Variants in COPB1 observed in about 807,000 individuals in gnomAD.
The protein encoded by COPB1 is coat protein complex I subunit beta 1.
In COPB1, 21 loss-of-function variants were observed where a neutral mutation model predicts 108.7. The observed-to-expected ratio is 0.19, with a 90% CI of 0.14 to 0.28. The LOEUF (loss-of-function observed/expected upper bound fraction) is 0.28. Ranked by LOEUF, COPB1 falls within the 10% of genes least tolerant of loss-of-function variation. The pLI is 1.00. For missense variants in COPB1, 919 were observed against 1,141.3 expected (o/e 0.81, Z 2.81); for synonymous variants, 378 against 386.8 (o/e 0.98, Z 0.27).
rs1005788909 is a variant in COPB1, at chr11:14,461,249, C to T, written c.2493G>A (p.Gln831=). The part of the protein sequence containing the change: ...DIHIDIMDYI[Q]PATCTDAEFR... Reference sequence around the variant, plus strand: ...ATTCTGCATCAGTGCAAGTTGCAGGCTGGATATAGTCCATGATGTCGATGT... The same window carrying T: ...ATTCTGCATCAGTGCAAGTTGCAGGTTGGATATAGTCCATGATGTCGATGT... Residue 831 remains glutamine, a synonymous_variant, in exon 19 of 22, where the codon CAG becomes CAA. Transcript: ENST00000439561. 6.8e-6 allele frequency: 11 copies of T among 1,614,034 alleles called. No homozygotes were observed. The African/African-American group carries it at 1.2e-4, about 18-fold the overall frequency.
chr11:14,487,674 A>C (rs1012091104), intron 6 of COPB1, among the ~76,000 whole-genome samples: 3 of 151,366 alleles, frequency 2.0e-5, no homozygotes, highest in African/African-American at 4.9e-5. Context: ...GACTCTGCCC[A>C]AAAAAAACAA....
At chr11:14,467,026 A>T (rs965428655) in intron 16 of COPB1, among the ~76,000 whole-genome samples, 1 of 152,208 alleles carries the variant, frequency 6.6e-6, no homozygotes, top group African/African-American at 2.4e-5. Context: ...AAGCATAGGC[A>T]ATAAAAGAAA....
At chr11:14,475,521 C>T (rs1400117105) in intron 13 of COPB1, among the ~76,000 whole-genome samples, 1 of 152,222 alleles carries the variant, frequency 6.6e-6, no homozygotes, top group African/African-American at 2.4e-5. Flanking sequence ...GTTACCCCCA[C>T]TTAGCATTTT....
In COPB1 at chr11:14,490,603, T is replaced by C; in HGVS notation, c.568A>G (p.Lys190Glu). Reference protein sequence around the residue: ...FLVNEKDASCKRNAFMMLIHA... With the variant: ...FLVNEKDASCERNAFMMLIHA... ...ATTAGCATCATAAATGCATTCCTTT[T>C]GCAACTTGCATCCTTCTCATTCACC... The change falls in exon 5 of 22, where the codon AAA (lysine) becomes GAA (glutamate). Residue 190 changes from lysine to glutamate, a missense_variant. This residue lies in a region of COPB1 where 78 missense variants were observed against 95.4 expected (regional missense o/e 0.82). Coordinates refer to ENST00000439561, the MANE Select transcript of COPB1 (RefSeq NM_001144061.2). 6.2e-7 allele frequency: 1 copy of C among 1,613,136 alleles called. No individual in the cohort carries two copies. Among genetic ancestry groups the C allele is most frequent in the Non-Finnish European group, 8.5e-7 (1 of 1,179,560 alleles).
chr11:14,472,086 G>C (rs1050597691), intron 14 of COPB1, among the ~76,000 whole-genome samples: 26 of 152,290 alleles, frequency 1.7e-4, no homozygotes, highest in African/African-American at 5.8e-4. Flanking sequence ...GGCCCAATTT[G>C]AATGTCAGAA....
intron 1 of COPB1, 35 bp from the exon 2 acceptor site, chr11:14,499,020 T>C (rs1438067872): frequency 1.3e-6 from 1 of 758,562 alleles, no homozygotes; most frequent in South Asian, 2.1e-5. Context: ...CATTACAAAT[T>C]AAAAAAAAAA....
intron 14 of COPB1, among the ~76,000 whole-genome samples, chr11:14,473,024 G>A (rs917881367): frequency 1.3e-5 from 2 of 152,064 alleles, no homozygotes; most frequent in African/African-American, 4.8e-5. Context: ...TCCCAGGCTG[G>A]AGTGCAGTGG....
chr11:14,485,617 T>C (rs1278916203), intron 7 of COPB1, among the ~76,000 whole-genome samples: 1 of 152,138 alleles, frequency 6.6e-6, no homozygotes, highest in Non-Finnish European at 1.5e-5. Context: ...GAAGCCGAGG[T>C]TAGCGGATCA....
chr11:14,471,431 A>G (rs998009642), intron 14 of COPB1, among the ~76,000 whole-genome samples: 2 of 152,202 alleles, frequency 1.3e-5, no homozygotes, highest in African/African-American at 4.8e-5. Context: ...ACTCTGAGAT[A>G]AAAAAATGTT....
At chr11:14,479,154 C>G (rs1286990930) in intron 11 of COPB1, among the ~76,000 whole-genome samples, 4 of 152,028 alleles carry the variant, frequency 2.6e-5, no homozygotes, top group Admixed American at 6.6e-5. Context: ...TTAAATGAAG[C>G]AAAATTTAGA....
intron 19 of COPB1, 71 bp downstream of exon 19, chr11:14,461,115 T>TAGCAGACTCCTCAAC: frequency 6.4e-7 from 1 of 1,573,378 alleles, no homozygotes; most frequent in Non-Finnish European, 8.7e-7. Context: ...TTAATTTTAT[T>TAGCAGACTCCTCAAC]AGCAGACTCC....
At chr11:14,482,974 A>G (rs1287606533) in intron 8 of COPB1, 58 bp downstream of exon 8, 12 of 1,439,976 alleles carry the variant, frequency 8.3e-6, no homozygotes, top group Admixed American at 2.1e-5. Flanking sequence ...AAGCTTGAGA[A>G]TGACCTAAAT....
chr11:14,475,758 T>A (rs1359655066), intron 13 of COPB1, 27 bp downstream of exon 13: 1 of 1,484,726 alleles, frequency 6.7e-7, no homozygotes, highest in Non-Finnish European at 9.0e-7. Context: ...GTAGTACAGC[T>A]GGCAGGGTAT....
intron 18 of COPB1, among the ~76,000 whole-genome samples, chr11:14,464,067 T>G (rs1379198372): frequency 6.6e-6 from 1 of 152,228 alleles, no homozygotes; most frequent in South Asian, 2.1e-4. Context: ...ATCCTTAGCA[T>G]GACAAGTAAA....
rs3835110 is a variant in COPB1, at chr11:14,465,062, T to TACACAC, written c.2291-38_2291-33dup. On this transcript the variant is annotated intron_variant, in intron 17 of 21. Coordinates refer to ENST00000439561, the MANE Select transcript of COPB1 (RefSeq NM_001144061.2). ...GAAAGAGTTTGGATATGGTTAAAAATACACACACACACACACACACACACA... is the reference window on the plus strand; with the variant it reads ...GAAAGAGTTTGGATATGGTTAAAAATACACACACACACACACACACACACACACACA... 1,571 of 1,113,226 alleles carry TACACAC rather than the reference T, an allele frequency of 1.4e-3. 8 individuals carry two copies. Among genetic ancestry groups the TACACAC allele is most frequent in the East Asian group, 6.6e-3 (217 of 33,092 alleles). The allele number at this position is 1,113,226 out of a possible 1,614,324, so 69.0% of individuals were successfully genotyped here. A position where few individuals can be genotyped will look rare whatever the true frequency, so the allele number is the denominator to read the frequency against.
At chr11:14,478,499 A>G (rs1267627778) in intron 11 of COPB1, among the ~76,000 whole-genome samples, 1 of 91,296 alleles carries the variant, frequency 1.1e-5, no homozygotes, top group Non-Finnish European at 2.9e-5. Flanking sequence ...AAAGTAATTC[A>G]CTTTTTATTT....
intron 10 of COPB1, 81 bp from the exon 11 acceptor site, chr11:14,479,795 G>T: frequency 7.5e-7 from 1 of 1,332,728 alleles, no homozygotes. Flanking sequence ...TAAATTAAAA[G>T]AATGTAATTC....
intron 16 of COPB1, 45 bp downstream of exon 16, chr11:14,468,636 A>T: frequency 6.4e-7 from 1 of 1,566,948 alleles, no homozygotes. Context: ...AACTTCCTTA[A>T]GGAGTCGATT....
At chr11:14,490,838 G>A (rs1342138219) in intron 4 of COPB1, among the ~76,000 whole-genome samples, 159 bp from the exon 5 acceptor site, 1 of 150,156 alleles carries the variant, frequency 6.7e-6, no homozygotes, top group Non-Finnish European at 1.5e-5. Context: ...TGCCTGGGCT[G>A]GAGTGCAGTG....
Sources: gnomAD v4.1 joint callset for allele counts (sites outside exome capture counted in the v4.1 genomes callset) on GRCh38, gnomAD v4.1.1 for gene constraint, gnomAD v4.1.1 regional missense constraint, MANE v1.5 for transcripts, NCBI Gene and HGNC (gene_info 2026-07-23, HGNC 2026-07-21) for gene names.